Variants in ARFGEF1 observed in about 807,000 individuals in gnomAD.
The protein encoded by ARFGEF1 is brefeldin A-inhibited guanine nucleotide-exchange protein 1.
A neutral mutation model predicts 231.0 loss-of-function variants in ARFGEF1; 42 were observed. The observed-to-expected ratio is 0.18, with a 90% CI of 0.14 to 0.24. ARFGEF1 has a LOEUF of 0.24. ARFGEF1 is among the 10% of genes least tolerant of loss of function. The pLI is 1.00. For missense variants in ARFGEF1, 1,345 were observed against 2,192.0 expected, an observed-to-expected ratio of 0.61 and a Z score of 7.72; for synonymous variants, 710 against 732.3, an observed-to-expected ratio of 0.97 and a Z score of 0.49.
rs757586820 is a variant in ARFGEF1 at position 67,227,427 on chromosome 8, C to T, written c.3743+20G>A. 12 of 1,607,486 alleles carry T rather than the reference C, an allele frequency of 7.5e-6. No homozygotes were observed. In the South Asian group the frequency reaches 1.2e-4, roughly 16 times the overall value. ...ACAACAAGATTTTCCTTCTATTAAG[C>T]AATTCAACAAATATAGTACCTGTTC... On this transcript the variant is annotated intron_variant, in intron 26 of 38. Coordinates refer to ENST00000262215, the MANE Select transcript of ARFGEF1 (RefSeq NM_006421.5).
At chr8:67,179,974 T>G (rs1422608360) in intron 5 of ARFGEF1, 1 of 1,047,788 alleles carries the variant, frequency 9.5e-7, no homozygotes, top group Non-Finnish European at 1.5e-6. Flanking sequence ...ATATTAAACC[T>G]TTCTCCACAC....
intron 33 of ARFGEF1, among the ~76,000 whole-genome samples, chr8:67,215,074 A>G (rs1838879621): frequency 1.3e-5 from 2 of 152,222 alleles, no homozygotes; most frequent in Non-Finnish European, 2.9e-5. Context: ...CCTTTTTGCA[A>G]TGAGATCGTA....
intron 17 of ARFGEF1, among the ~76,000 whole-genome samples, chr8:67,257,324 C>T (rs996858083): frequency 6.6e-6 from 1 of 152,110 alleles, no homozygotes; most frequent in African/African-American, 2.4e-5. Flanking sequence ...ATGTGATCCG[C>T]CTGTCTCGGC....
intron 7 of ARFGEF1, among the ~76,000 whole-genome samples, chr8:67,282,773 G>A (rs1344329703): frequency 1.3e-5 from 2 of 150,708 alleles, no homozygotes; most frequent in Non-Finnish European, 2.9e-5. Flanking sequence ...GCTTGAACCC[G>A]ATAGGCAGAG....
At chr8:67,332,251 T>C (rs915235966) in intron 1 of ARFGEF1, among the ~76,000 whole-genome samples, 1 of 151,700 alleles carries the variant, frequency 6.6e-6, no homozygotes, top group Non-Finnish European at 1.5e-5. Flanking sequence ...TAATTTCACA[T>C]AACATAACAT....
chr8:67,221,100 C>T (rs1354223377), intron 29 of ARFGEF1, among the ~76,000 whole-genome samples: 1 of 152,140 alleles, frequency 6.6e-6, no homozygotes, highest in Non-Finnish European at 1.5e-5. Context: ...ACACTTTACT[C>T]ACATGTTTAT....
intron 5 of ARFGEF1, among the ~76,000 whole-genome samples, chr8:67,293,406 C>T (rs556742410): frequency 9.2e-5 from 14 of 152,022 alleles, no homozygotes; most frequent in Non-Finnish European, 1.9e-4. Flanking sequence ...TCAAATCAAA[C>T]CAATAAAACT....
At chr8:67,341,561 C>T (rs1490349172) in intron 1 of ARFGEF1, among the ~76,000 whole-genome samples, 4 of 152,044 alleles carry the variant, frequency 2.6e-5, no homozygotes, top group Admixed American at 6.6e-5. Context: ...TGTGTCACTG[C>T]GCTTCAGTCT....
rs762648819 is a variant in ARFGEF1 at position 67,343,277 on chromosome 8, C to T, written c.11G>A (p.Gly4Glu). ...CAGGAACATGTTCTTCGTCTTCTTC[C>T]CCTCATACATGGACGCAGAGAAGGA... MYE[G>E]KKTKNMFLTR... The change falls in exon 1 of 39, where the codon GGG (glycine) becomes GAG (glutamate). Residue 4 changes from glycine (G) to glutamate (E), a missense_variant. Coordinates refer to ENST00000262215, the MANE Select transcript of ARFGEF1 (RefSeq NM_006421.5). 6.2e-7 allele frequency: 1 copy of T among 1,613,682 alleles called. No homozygotes were observed. Among genetic ancestry groups the T allele is most frequent in the South Asian group, 1.1e-5 (1 of 91,052 alleles).
intron 1 of ARFGEF1, among the ~76,000 whole-genome samples, chr8:67,311,791 AGAAAGGCGG>A (rs1259497056): frequency 1.3e-5 from 2 of 152,220 alleles, no homozygotes; most frequent in African/African-American, 2.4e-5. Flanking sequence ...TTTGTGGAAT[AGAAAGGCGG>A]GAAAGGTGGG....
intron 1 of ARFGEF1, among the ~76,000 whole-genome samples, chr8:67,311,306 G>A (rs1189529723): frequency 9.6e-5 from 10 of 104,148 alleles, no homozygotes; most frequent in South Asian, 3.5e-4. Context: ...CAGCCCCCCC[G>A]CCCGGCCAGC....
rs188738363 is a variant in ARFGEF1 at position 67,179,807 on chromosome 8, T to C, written c.561-4235A>G. ...CTTGTGCCTCTTCTTAGTATAAATT[T>C]GTTGTTTTTGTACACAAAACTAATA... is the stretch of plus-strand genomic sequence containing the variant. On this transcript the variant is annotated intron_variant, in intron 5 of 5. Transcript: ENST00000518789. The C allele has an allele frequency of 4.4e-5, 53 of 1,192,780 alleles. 1 individual carries two copies. Among genetic ancestry groups the C allele is most frequent in the Admixed American group, 1.8e-4 (10 of 56,868 alleles). The allele number at this position is 1,192,780 out of a possible 1,614,324, so 73.9% of individuals were successfully genotyped here. A position where few individuals can be genotyped will look rare whatever the true frequency, so the allele number is the denominator to read the frequency against.
In ARFGEF1 at chr8:67,197,713, G is replaced by A; in HGVS notation, c.*1221C>T. The A allele has an allele frequency of 1.0e-6, 1 of 985,694 alleles. No homozygotes were observed. The highest frequency in any genetic ancestry group is 1.1e-4 in the East Asian group (1 of 8,818). The allele number at this position is 985,694 out of a possible 1,614,324, so 61.1% of individuals were successfully genotyped here. A position where few individuals can be genotyped will look rare whatever the true frequency, so the allele number is the denominator to read the frequency against. ...ACTTTATTGACCTATAACCTGATTA[G>A]AATATGCCAGATGGGAATCAATATT... On this transcript the variant is annotated 3_prime_UTR_variant, in exon 39 of 39. Transcript: ENST00000262215.
Position 67,266,007 on chromosome 8 carries a change from A to G in ARFGEF1, c.2122T>C (p.Leu708=). 1 of 1,613,344 alleles carries G rather than the reference A, an allele frequency of 6.2e-7. No individual in the cohort carries two copies. Among genetic ancestry groups the G allele is most frequent in the Middle Eastern group, 1.6e-4 (1 of 6,062 alleles). Reference sequence around the variant, plus strand: ...TTCTCCTTAAGCTATGACACTTACAAATCTATCCCTTGTTCTATTATTTCT... The same window carrying G: ...TTCTCCTTAAGCTATGACACTTACAGATCTATCCCTTGTTCTATTATTTCT... ...QKEIIEQGID[L]FNKKPKRGIQ... The change falls in exon 14 of 39, where the codon TTA becomes CTA. Residue 708 remains leucine, a splice_region_variant and synonymous_variant. Transcript: ENST00000262215.
intron 28 of ARFGEF1, among the ~76,000 whole-genome samples, chr8:67,225,475 G>A (rs1367424803): frequency 2.6e-5 from 4 of 152,138 alleles, no homozygotes; most frequent in South Asian, 2.1e-4. Flanking sequence ...CCAAATCTAC[G>A]ATACATCACT....
At chr8:67,218,204 AAAAAT>A (rs1378406576) in intron 30 of ARFGEF1, 66 bp from the exon 31 acceptor site, 8 of 192,278 alleles carry the variant, frequency 4.2e-5, no homozygotes, top group Admixed American at 1.1e-4. Context: ...AAAAAAAAAA[AAAAAT>A]ATATATATAT....
intron 5 of ARFGEF1, among the ~76,000 whole-genome samples, chr8:67,177,343 G>A (rs1831939340): frequency 6.6e-6 from 1 of 152,160 alleles, no homozygotes; most frequent in Non-Finnish European, 1.5e-5. Flanking sequence ...GGGAGCCCCT[G>A]TTTAACTCCA....
chr8:67,257,611 C>T, intron 17 of ARFGEF1, 121 bp downstream of exon 17: 1 of 777,118 alleles, frequency 1.3e-6, no homozygotes, highest in Middle Eastern at 3.6e-4. Flanking sequence ...AAATTAAATA[C>T]CCAAATATGG....
intron 36 of ARFGEF1, among the ~76,000 whole-genome samples, chr8:67,202,167 A>G (rs943614055): frequency 1.3e-5 from 2 of 152,210 alleles, no homozygotes; most frequent in African/African-American, 2.4e-5. Flanking sequence ...ATACAGTTTG[A>G]TAAGTATCAG....
Sources: allele counts gnomAD v4.1 joint callset (sites outside exome capture counted in the v4.1 genomes callset), GRCh38; gene constraint gnomAD v4.1.1; transcripts MANE v1.5; gene names NCBI Gene and HGNC (gene_info 2026-07-23, HGNC 2026-07-21).